SNX18: variants seen among roughly 807,000 people sequenced by gnomAD.
SNX18 encodes the protein sorting nexin 18.
In SNX18, 35 loss-of-function variants were observed where a neutral mutation model predicts 48.7. That is an observed-to-expected ratio of 0.72 (90% CI 0.55 to 0.95). The LOEUF (loss-of-function observed/expected upper bound fraction) is 0.95, where lower values mean the gene tolerates loss of function less well. Among genes scored for constraint, SNX18 ranks in the 40% least tolerant of loss-of-function variants. The probability of loss-of-function intolerance (pLI) is 0.00; values close to 1 mark genes in which losing one functional copy is unlikely to be tolerated. For missense variants in SNX18, 824 were observed against 871.0 expected (o/e 0.95, Z 0.68); for synonymous variants, 492 against 384.7 (o/e 1.28, Z -3.26).
intron 1 of SNX18, among the ~76,000 whole-genome samples, chr5:54,531,912 A>G (rs1470117496): frequency 3.3e-5 from 5 of 152,218 alleles, no homozygotes; most frequent in Non-Finnish European, 7.3e-5. Flanking sequence ...ATTTCAGACA[A>G]AAACTGGAAA....
At chr5:54,576,362 G>T in the SNX18 span, among the ~76,000 whole-genome samples, 1 of 152,172 alleles carries the variant, frequency 6.6e-6, no homozygotes, top group Non-Finnish European at 1.5e-5. Flanking sequence ...TATGGTACGT[G>T]GCAGGTCTCC....
chr5:54,597,658 T>C, the SNX18 span, among the ~76,000 whole-genome samples: 1 of 152,044 alleles, frequency 6.6e-6, no homozygotes, highest in Admixed American at 6.6e-5. Flanking sequence ...AAACATGAAA[T>C]TAAGGTGGAA....
chr5:54,538,118 A>G (rs888673494), intron 1 of SNX18, among the ~76,000 whole-genome samples: 3 of 152,238 alleles, frequency 2.0e-5, no homozygotes, highest in African/African-American at 7.2e-5. Context: ...GAAGCCTGAA[A>G]ATATGTACAC....
chr5:54,556,898 C>T, the SNX18 span, among the ~76,000 whole-genome samples: 10 of 152,204 alleles, frequency 6.6e-5, no homozygotes, highest in Non-Finnish European at 1.5e-4. Flanking sequence ...TGTCCATTTA[C>T]ATTAAGAAGC....
At chr5:54,621,266 T>A in the SNX18 span, among the ~76,000 whole-genome samples, 1 of 152,222 alleles carries the variant, frequency 6.6e-6, no homozygotes, top group East Asian at 1.9e-4. Context: ...TTCAGTCCTA[T>A]GAGTAACTTT....
At chr5:54,625,985 C>T in the SNX18 span, among the ~76,000 whole-genome samples, 2 of 152,308 alleles carry the variant, frequency 1.3e-5, no homozygotes, top group Middle Eastern at 6.8e-3. Flanking sequence ...TGAAATATTG[C>T]TAGTGCCGTT....
Position 54,518,944 on chromosome 5 carries a change from C to T in SNX18, c.992C>T (p.Ser331Phe). The change falls in exon 1 of 2, where the codon TCC (serine) becomes TTC (phenylalanine). Residue 331 changes from serine (S) to phenylalanine (F), a missense_variant. Physicochemically the swap from Ser to Phe is radical, Grantham distance 155. This residue lies in a region of SNX18 where 443 missense variants were observed against 503.6 expected (regional missense o/e 0.88). Transcript: ENST00000381410. ...CTGGCGGAGAAGTTCCCGGTCATCT[C>T]CGTGCCCCACCTGCCCGAGAAGCAG... ...ARLAEKFPVI[S>F]VPHLPEKQAT... The T allele has an allele frequency of 6.2e-7, 1 of 1,613,818 alleles. No homozygotes were observed. The highest frequency in any genetic ancestry group is 8.5e-7 in the Non-Finnish European group (1 of 1,180,024).
At chr5:54,534,843 T>C (rs1051886519) in intron 1 of SNX18, among the ~76,000 whole-genome samples, 30 of 152,162 alleles carry the variant, frequency 2.0e-4, no homozygotes, top group African/African-American at 6.8e-4. Flanking sequence ...GTGTTCTTAA[T>C]ATGTGCTCAT....
rs1761896666 is a variant in SNX18 at position 54,517,925 on chromosome 5, C to T, written c.-28C>T. 2.0e-6 allele frequency: 3 copies of T among 1,486,704 alleles called. No individual in the cohort carries two copies. Among genetic ancestry groups the T allele is most frequent in the Non-Finnish European group, 8.9e-7 (1 of 1,123,150 alleles). The allele number at this position is 1,486,704 out of a possible 1,614,324, so 92.1% of individuals were successfully genotyped here. A position where few individuals can be genotyped will look rare whatever the true frequency, so the allele number is the denominator to read the frequency against. ...GGCCTCGGCTCGGGACGCCGGGAGT[C>T]GGGACCGCCAGTCGGGGCGCCGGGA... On this transcript the variant is annotated 5_prime_UTR_variant, in exon 1 of 2. Coordinates refer to ENST00000381410, the MANE Select transcript of SNX18 (RefSeq NM_001102575.2).
At chr5:54,629,628 G>C in the SNX18 span, among the ~76,000 whole-genome samples, 2 of 152,154 alleles carry the variant, frequency 1.3e-5, no homozygotes, top group Admixed American at 1.3e-4. Context: ...ATTTACCTTG[G>C]TGAGTCTCCT....
the SNX18 span, among the ~76,000 whole-genome samples, chr5:54,590,426 A>G: frequency 6.6e-6 from 1 of 152,158 alleles, no homozygotes; most frequent in African/African-American, 2.4e-5. Flanking sequence ...TTAAAGCCTA[A>G]GTCAGATTAT....
chr5:54,525,378 A>C, intron 1 of SNX18, among the ~76,000 whole-genome samples: 1 of 69,194 alleles, frequency 1.4e-5, no homozygotes, highest in Admixed American at 1.6e-4. Context: ...TTGTCTCTTT[A>C]AAAAAAAAAA....
chr5:54,593,699 G>A, the SNX18 span, among the ~76,000 whole-genome samples: 1 of 152,152 alleles, frequency 6.6e-6, no homozygotes. Flanking sequence ...TAGACATATA[G>A]ACTACTGAAA....
the SNX18 span, among the ~76,000 whole-genome samples, chr5:54,565,948 G>C: frequency 3.9e-5 from 6 of 152,322 alleles, no homozygotes; most frequent in Admixed American, 2.0e-4. Context: ...ATGTGGAGAT[G>C]CAGAAGGGTG....
chr5:54,563,997 A>C, the SNX18 span, among the ~76,000 whole-genome samples: 7 of 152,196 alleles, frequency 4.6e-5, no homozygotes, highest in African/African-American at 1.7e-4. Flanking sequence ...TTTTAAAATC[A>C]AGGCTGAGCA....
the SNX18 span, among the ~76,000 whole-genome samples, chr5:54,558,306 A>G: frequency 6.6e-6 from 1 of 152,232 alleles, no homozygotes; most frequent in African/African-American, 2.4e-5. Flanking sequence ...GGAAACATTT[A>G]CTGGCTTCTC....
chr5:54,594,479 T>G, the SNX18 span, among the ~76,000 whole-genome samples: 21 of 152,112 alleles, frequency 1.4e-4, no homozygotes, highest in Admixed American at 1.3e-3. Flanking sequence ...ATTTTTGGAG[T>G]CTTCTCACTG....
chr5:54,601,724 C>T, the SNX18 span, among the ~76,000 whole-genome samples: 3 of 152,150 alleles, frequency 2.0e-5, no homozygotes, highest in African/African-American at 7.2e-5. Flanking sequence ...GTTCTGCCTT[C>T]TGCTCCTCTT....
At chr5:54,548,771 G>A (rs75664173), downstream of SNX18, among the ~76,000 whole-genome samples, 1,392 of 152,218 alleles carry the variant, frequency 9.1e-3, 25 homozygotes, top group African/African-American at 0.031. Context: ...GTCACTTAAC[G>A]TGAGTCAGTT....
Sources: gnomAD v4.1 joint callset for allele counts (sites outside exome capture counted in the v4.1 genomes callset) on GRCh38, gnomAD v4.1.1 for gene constraint, gnomAD v4.1.1 regional missense constraint, MANE v1.5 for transcripts, NCBI Gene and HGNC (gene_info 2026-07-23, HGNC 2026-07-21) for gene names.